RSRC1: variants seen among roughly 807,000 people sequenced by gnomAD.
RSRC1 encodes the protein serine/Arginine-related protein 53.
A neutral mutation model predicts 49.1 loss-of-function variants in RSRC1; 39 were observed. The ratio of observed to expected loss-of-function variants is 0.79; its 90% CI spans 0.61 to 1.04. The LOEUF is 1.04. RSRC1 is among the 50% of genes least tolerant of loss of function. RSRC1 has a pLI of 0.00. For synonymous variants in RSRC1, 143 were observed against 130.8 expected, an observed-to-expected ratio of 1.09 and a Z score of -0.63; for missense variants, 388 against 402.4, an observed-to-expected ratio of 0.96 and a Z score of 0.31.
chr3:158,217,761 T>TG (rs1202012455), intron 4 of RSRC1, among the ~76,000 whole-genome samples: 8 of 110,056 alleles, frequency 7.3e-5, no homozygotes, highest in African/African-American at 2.7e-4. Flanking sequence ...AGTGTGTGTG[T>TG]GTGTGGGGGG....
intron 7 of RSRC1, among the ~76,000 whole-genome samples, chr3:158,531,108 C>T (rs1283884624): frequency 6.6e-6 from 1 of 150,436 alleles, no homozygotes; most frequent in Non-Finnish European, 1.5e-5. Flanking sequence ...ATAAAGCACA[C>T]TCCACTAAGT....
chr3:158,522,654 G>T (rs1711754473), intron 7 of RSRC1, among the ~76,000 whole-genome samples: 1 of 152,122 alleles, frequency 6.6e-6, no homozygotes, highest in Non-Finnish European at 1.5e-5. Flanking sequence ...GTATACTTAT[G>T]TATATTACTT....
intron 3 of RSRC1, among the ~76,000 whole-genome samples, chr3:158,165,043 A>G (rs967528636): frequency 6.6e-6 from 1 of 152,208 alleles, no homozygotes. Flanking sequence ...TACTAAAATA[A>G]AAGCAAATGC....
chr3:158,334,479 A>G (rs1353143566), intron 5 of RSRC1, among the ~76,000 whole-genome samples: 1 of 103,096 alleles, frequency 9.7e-6, no homozygotes, highest in African/African-American at 3.9e-5. Context: ...AATTTCTAAC[A>G]GGAGAATTTT....
intron 5 of RSRC1, among the ~76,000 whole-genome samples, chr3:158,327,065 C>T (rs1025185989): frequency 1.2e-4 from 18 of 152,230 alleles, no homozygotes; most frequent in Admixed American, 7.2e-4. Context: ...TCTGTGGGAT[C>T]GGTGGTATAT....
At chr3:158,332,637 A>AT (rs1455211057) in intron 5 of RSRC1, among the ~76,000 whole-genome samples, 1 of 152,054 alleles carries the variant, frequency 6.6e-6, no homozygotes, top group Non-Finnish European at 1.5e-5. Context: ...TCTTTTAAAG[A>AT]TTTTTTCCTT....
intron 4 of RSRC1, among the ~76,000 whole-genome samples, chr3:158,283,792 C>T (rs1344987623): frequency 2.0e-5 from 3 of 151,994 alleles, no homozygotes; most frequent in Admixed American, 6.6e-5. Context: ...TCCAGAAAAC[C>T]TGTGTTATTT....
intron 7 of RSRC1, among the ~76,000 whole-genome samples, chr3:158,529,878 T>C (rs573041981): frequency 6.6e-6 from 1 of 152,046 alleles, no homozygotes; most frequent in South Asian, 2.1e-4. Context: ...TGGGTAACCA[T>C]ATGTCAGCAA....
chr3:158,170,571 A>G (rs890346347), intron 3 of RSRC1, among the ~76,000 whole-genome samples: 9 of 152,148 alleles, frequency 5.9e-5, no homozygotes, highest in African/African-American at 2.2e-4. Context: ...TGGGGAGGAT[A>G]CTCAAAACTT....
chr3:158,417,878 TTAGTC>T (rs1477110885), intron 6 of RSRC1, among the ~76,000 whole-genome samples: 1 of 151,706 alleles, frequency 6.6e-6, no homozygotes, highest in Non-Finnish European at 1.5e-5. Context: ...TATACATTAA[TTAGTC>T]AAGAAAGGAG....
chr3:158,275,956 G>A, intron 4 of RSRC1: 2 of 751,300 alleles, frequency 2.7e-6, no homozygotes, highest in Non-Finnish European at 4.7e-6. Context: ...CCCTGTGCTT[G>A]TGGACTGGTT....
chr3:158,389,783 A>G (rs1009785955), intron 6 of RSRC1, among the ~76,000 whole-genome samples: 1 of 152,194 alleles, frequency 6.6e-6, no homozygotes, highest in Non-Finnish European at 1.5e-5. Flanking sequence ...GGCATTCACA[A>G]GTCATGTGAG....
chr3:158,518,949 C>T (rs1711515937), intron 7 of RSRC1, among the ~76,000 whole-genome samples: 1 of 152,056 alleles, frequency 6.6e-6, no homozygotes. Context: ...AATATGTATA[C>T]TTATTACTTC....
intron 7 of RSRC1, among the ~76,000 whole-genome samples, chr3:158,461,466 T>C (rs1737607373): frequency 6.6e-6 from 1 of 151,924 alleles, no homozygotes; most frequent in Admixed American, 6.6e-5. Flanking sequence ...AAGATATTCT[T>C]TTTAAAAAAC....
chr3:158,144,360 C>T (rs1041682915), intron 3 of RSRC1, among the ~76,000 whole-genome samples: 1 of 152,020 alleles, frequency 6.6e-6, no homozygotes, highest in African/African-American at 2.4e-5. Flanking sequence ...GTTCAATTCC[C>T]ACCTGTGAGT....
chr3:158,270,426 A>T (rs771750539), intron 4 of RSRC1, among the ~76,000 whole-genome samples: 1 of 152,104 alleles, frequency 6.6e-6, no homozygotes, highest in Non-Finnish European at 1.5e-5. Flanking sequence ...CTAAGCTCTA[A>T]TGGAATTGCG....
chr3:158,434,622 G>A (rs1048240492), intron 6 of RSRC1, among the ~76,000 whole-genome samples: 5 of 151,806 alleles, frequency 3.3e-5, no homozygotes, highest in African/African-American at 4.8e-5. Context: ...AGCGAAACTC[G>A]GGTGCTGTAT....
intron 6 of RSRC1, among the ~76,000 whole-genome samples, chr3:158,395,129 G>A (rs1001590693): frequency 6.6e-6 from 1 of 151,924 alleles, no homozygotes; most frequent in Admixed American, 6.6e-5. Context: ...GCTAGATATA[G>A]GCAGAAAATT....
At chr3:158,437,455 C>T (rs1035164538) in intron 6 of RSRC1, among the ~76,000 whole-genome samples, 2 of 152,084 alleles carry the variant, frequency 1.3e-5, no homozygotes, top group Admixed American at 6.6e-5. Flanking sequence ...CCTCAAAAAG[C>T]TTATTGACCA....
Sources: gnomAD v4.1 joint callset for allele counts (sites outside exome capture counted in the v4.1 genomes callset) on GRCh38, gnomAD v4.1.1 for gene constraint, MANE v1.5 for transcripts, NCBI Gene and HGNC (gene_info 2026-07-23, HGNC 2026-07-21) for gene names.